Variants in ADGRB3 observed in about 807,000 individuals in gnomAD.
ADGRB3 encodes brain-specific angiogenesis inhibitor 3.
A neutral mutation model predicts 193.4 loss-of-function variants in ADGRB3; 37 were observed. That is an observed-to-expected ratio of 0.19 (90% confidence interval 0.15 to 0.25). The LOEUF is 0.25. Ranked by LOEUF, ADGRB3 falls within the 10% of genes least tolerant of loss-of-function variation. The pLI is 1.00. For missense variants in ADGRB3, 1,637 were observed against 1,852.9 expected (o/e 0.88, Z 2.14); for synonymous variants, 690 against 644.2 (o/e 1.07, Z -1.08).
intron 17 of ADGRB3, among the ~76,000 whole-genome samples, chr6:69,185,277 G>A (rs79887043): frequency 1.3e-5 from 2 of 152,082 alleles, no homozygotes; most frequent in East Asian, 3.8e-4. Flanking sequence ...AAACAGAGAA[G>A]AGTACAGCAT....
At chr6:68,961,099 A>G (rs1284628096) in intron 8 of ADGRB3, among the ~76,000 whole-genome samples, 1 of 152,156 alleles carries the variant, frequency 6.6e-6, no homozygotes, top group East Asian at 1.9e-4. Context: ...TGAAAACACA[A>G]TTCATTTTGA....
At chr6:68,876,562 T>A (rs979728449) in intron 3 of ADGRB3, among the ~76,000 whole-genome samples, 1 of 152,204 alleles carries the variant, frequency 6.6e-6, no homozygotes, top group African/African-American at 2.4e-5. Context: ...ACTTTTCTTA[T>A]AGGAAATCAG....
intron 17 of ADGRB3, among the ~76,000 whole-genome samples, chr6:69,163,756 T>C (rs1775058281): frequency 6.6e-6 from 1 of 152,138 alleles, no homozygotes; most frequent in Non-Finnish European, 1.5e-5. Context: ...TAAAAGTAAT[T>C]AAGCAACCTA....
In ADGRB3 at chr6:69,233,355, C is replaced by T. The variant is rs1368640853; in HGVS notation, c.2546C>T (p.Thr849Met). The change falls in exon 18 of 32, where the codon ACG becomes ATG. Residue 849 changes from threonine to methionine, a missense_variant. This residue lies in a region of ADGRB3 where 641 missense variants were observed against 673.9 expected (regional missense o/e 0.95). Coordinates refer to ENST00000370598, the MANE Select transcript of ADGRB3 (RefSeq NM_001704.3). ...CKTVLTDASH[T>M]KCLCDRLSTF... ...ACTGTGCTTACCGATGCATCCCATA[C>T]GAAATGCTTATGTGATCGTCTCTCT... The T allele has an allele frequency of 1.2e-6, 2 of 1,613,840 alleles. No individual in the cohort carries two copies. The highest frequency in any genetic ancestry group is 2.2e-5 in the East Asian group (1 of 44,884).
At chr6:68,997,642 C>A (rs1162679760) in intron 11 of ADGRB3, among the ~76,000 whole-genome samples, 1 of 142,820 alleles carries the variant, frequency 7.0e-6, no homozygotes, top group Non-Finnish European at 1.5e-5. Context: ...GACAGAGTGA[C>A]ACTCTGTCTT....
In ADGRB3 at chr6:69,354,213, T is replaced by C. The variant is rs1561996844; in HGVS notation, c.3460-20T>C. 6.3e-7 allele frequency: 1 copy of C among 1,576,224 alleles called. No homozygotes were observed. ...CATTATTAAGAGAGAAGAAAATTAA[T>C]GTGTTCCCCCTCCCCACAGGTTCAG... is the stretch of plus-strand genomic sequence containing the variant. On this transcript the variant is annotated intron_variant, in intron 26 of 31. Transcript: ENST00000370598.
intron 17 of ADGRB3, among the ~76,000 whole-genome samples, chr6:69,122,731 CTATTTTTTCAGCAAAAATATA>C (rs1773746426): frequency 1.3e-5 from 2 of 151,886 alleles, no homozygotes; most frequent in Non-Finnish European, 2.9e-5. Context: ...AAGACCAAGT[CTATTTTTTCAGCAAAAATATA>C]TATTTTTGCT....
intron 17 of ADGRB3, among the ~76,000 whole-genome samples, chr6:69,141,852 A>G (rs189104643): frequency 1.3e-5 from 2 of 152,348 alleles, no homozygotes; most frequent in East Asian, 3.9e-4. Context: ...ATAAGAAAAT[A>G]AAAGCACAGG....
At chr6:68,847,540 A>T (rs1261021545) in intron 3 of ADGRB3, among the ~76,000 whole-genome samples, 2 of 152,080 alleles carry the variant, frequency 1.3e-5, no homozygotes, top group Admixed American at 6.5e-5. Context: ...GTCTCACAAG[A>T]TCTAATGGGT....
chr6:68,713,692 T>C (rs535530694), intron 3 of ADGRB3, among the ~76,000 whole-genome samples: 1 of 151,676 alleles, frequency 6.6e-6, no homozygotes, highest in East Asian at 1.9e-4. Flanking sequence ...TAGTATCTTT[T>C]CTTTAGACTG....
chr6:68,861,903 G>C (rs992286023), intron 3 of ADGRB3, among the ~76,000 whole-genome samples: 1 of 152,140 alleles, frequency 6.6e-6, no homozygotes, highest in African/African-American at 2.4e-5. Context: ...TATATGCAAA[G>C]TGCTTAGAAC....
chr6:68,910,232 C>T (rs560363272), intron 3 of ADGRB3, among the ~76,000 whole-genome samples: 2 of 152,262 alleles, frequency 1.3e-5, no homozygotes, highest in South Asian at 4.1e-4. Context: ...TCATAGCCTT[C>T]ACCCATTTGT....
At chr6:69,000,607 G>T (rs893083224) in intron 11 of ADGRB3, among the ~76,000 whole-genome samples, 2 of 152,100 alleles carry the variant, frequency 1.3e-5, no homozygotes, top group African/African-American at 4.8e-5. Flanking sequence ...AGCCCCAAAA[G>T]TATGAAACAT....
intron 3 of ADGRB3, among the ~76,000 whole-genome samples, chr6:68,894,845 C>A (rs1260805271): frequency 1.3e-5 from 2 of 151,890 alleles, no homozygotes; most frequent in South Asian, 2.1e-4. Context: ...AACTATTAAT[C>A]CTCTTGCTAT....
chr6:69,136,243 C>T (rs1774146257), intron 17 of ADGRB3, among the ~76,000 whole-genome samples: 1 of 151,988 alleles, frequency 6.6e-6, no homozygotes, highest in South Asian at 2.1e-4. Flanking sequence ...TAAGAAATGT[C>T]ATCCTAAATA....
chr6:69,061,693 G>A (rs897435820), intron 15 of ADGRB3, among the ~76,000 whole-genome samples: 1 of 71,994 alleles, frequency 1.4e-5, no homozygotes, highest in Admixed American at 2.0e-4. Flanking sequence ...TGCTGTATTT[G>A]TACCATACAA....
rs999527379 is a variant in ADGRB3, at chr6:69,046,225, A to G, written c.2108-1960A>G. ...TTATAATAGAAACTAATTGTATGGC[A>G]GTCAGAAAATCTTTATTTCTTTTCA... On this transcript the variant is annotated intron_variant, in intron 13 of 31. Transcript: ENST00000370598. Among the ~76,000 whole-genome samples, 5 of 152,178 alleles carry G rather than the reference A, an allele frequency of 3.3e-5. No homozygotes were observed. In the East Asian group the frequency reaches 9.6e-4, roughly 29 times the overall value.
chr6:69,060,232 C>CTT (rs1451533258), intron 15 of ADGRB3, among the ~76,000 whole-genome samples: 1 of 150,992 alleles, frequency 6.6e-6, no homozygotes, highest in African/African-American at 2.4e-5. Context: ...CTCTCTCTCT[C>CTT]TCTCTCTCTC....
At chr6:69,032,806 C>CT (rs982911974) in intron 13 of ADGRB3, among the ~76,000 whole-genome samples, 3 of 152,146 alleles carry the variant, frequency 2.0e-5, no homozygotes, top group African/African-American at 7.2e-5. Flanking sequence ...AACATGCTAG[C>CT]TTTGGAGTTA....
Sources: allele counts gnomAD v4.1 joint callset (sites outside exome capture counted in the v4.1 genomes callset), GRCh38; gene constraint gnomAD v4.1.1; regional missense constraint gnomAD v4.1.1; transcripts MANE v1.5; gene names NCBI Gene and HGNC (gene_info 2026-07-23, HGNC 2026-07-21).